C3orf33: variants seen among roughly 807,000 people sequenced by gnomAD.
C3orf33 encodes mitochondrial inner membrane subdomain organizer 1, also known as AP-1 activity suppressor.
In C3orf33, 23 loss-of-function variants were observed where a neutral mutation model predicts 28.7. That is an observed-to-expected ratio of 0.80 (90% CI 0.58 to 1.13). C3orf33 has a LOEUF of 1.13. Among genes scored for constraint, C3orf33 ranks in the 50% most tolerant of loss-of-function variants. The pLI, the probability that C3orf33 is intolerant of heterozygous loss-of-function variation, is 0.00. For synonymous variants in C3orf33, 119 were observed against 120.5 expected (o/e 0.99, Z 0.08); for missense variants, 327 against 353.4 (o/e 0.93, Z 0.60).
intron 2 of C3orf33, among the ~76,000 whole-genome samples, chr3:155,788,433 C>T (rs1751207139): frequency 6.6e-6 from 1 of 151,930 alleles, no homozygotes; most frequent in Non-Finnish European, 1.5e-5. Flanking sequence ...GCCTATAATC[C>T]TAGCACTTTG....
At chr3:155,781,252 C>T (rs913989043) in intron 2 of C3orf33, among the ~76,000 whole-genome samples, 4 of 150,514 alleles carry the variant, frequency 2.7e-5, no homozygotes, top group East Asian at 1.9e-4. Flanking sequence ...ATGATCCACC[C>T]GCCTCGGCCT....
At chr3:155,788,644 C>A (rs1751216392) in intron 2 of C3orf33, among the ~76,000 whole-genome samples, 6 of 150,574 alleles carry the variant, frequency 4.0e-5, no homozygotes, top group Admixed American at 4.0e-4. Context: ...ATCGCAGCCA[C>A]CACACTCCAG....
At chr3:155,777,552 G>A (rs1021622145) in intron 2 of C3orf33, among the ~76,000 whole-genome samples, 4 of 151,442 alleles carry the variant, frequency 2.6e-5, no homozygotes, top group Non-Finnish European at 4.4e-5. Context: ...GTAATCCTCC[G>A]GCCTCAGCCC....
rs1285803604 is a variant in C3orf33 at position 155,806,185 on chromosome 3, A to C, written c.68T>G (p.Val23Gly). ...ADKDGMEPNV[V>G]ARISQWADDH... Reference sequence around the variant, plus strand: ...GTCTGCCCACTGCGAGATCCGAGCCACGACGTTGGGCTCCATTCCGTCCTT... The same window carrying C: ...GTCTGCCCACTGCGAGATCCGAGCCCCGACGTTGGGCTCCATTCCGTCCTT... Residue 23 changes from valine to glycine, a missense_variant, in exon 1 of 5, where the codon GTG becomes GGG. Val to Gly is a moderately radical substitution (Grantham distance 109, BLOSUM62 -3). Transcript: ENST00000340171. 6.7e-7 allele frequency: 1 copy of C among 1,501,462 alleles called. No homozygotes were observed. The highest frequency in any genetic ancestry group is 8.9e-7 in the Non-Finnish European group (1 of 1,126,148). 93.0% of individuals were successfully genotyped at this position (1,501,462 alleles called of 1,614,324 possible).
intron 2 of C3orf33, among the ~76,000 whole-genome samples, chr3:155,783,937 T>G (rs1751021708): frequency 6.6e-6 from 1 of 151,810 alleles, no homozygotes; most frequent in Admixed American, 6.6e-5. Flanking sequence ...GGGTTTTTTT[T>G]TTGTTTTTTT....
intron 3 of C3orf33, among the ~76,000 whole-genome samples, chr3:155,774,387 C>T (rs1022776275): frequency 1.3e-5 from 2 of 152,066 alleles, no homozygotes; most frequent in African/African-American, 4.8e-5. Context: ...ACAGTTGAGC[C>T]AGATTCTGAA....
chr3:155,765,635 C>T (rs1750381129), intron 4 of C3orf33, among the ~76,000 whole-genome samples: 1 of 152,172 alleles, frequency 6.6e-6, no homozygotes, highest in Admixed American at 6.5e-5. Context: ...GTAACCTCCG[C>T]CTCCAGGGTT....
rs372001340 is a variant in C3orf33, at chr3:155,793,838, T to C, written c.174+8694A>G. On this transcript the variant is annotated intron_variant, in intron 2 of 4. Transcript: ENST00000340171. Reference sequence around the variant, plus strand: ...AAAAAAAAAAAAAAACTAAAAAAACTAAAAAAACTAAAACAGCTTTTCTAG... The same window carrying C: ...AAAAAAAAAAAAAAACTAAAAAAACCAAAAAAACTAAAACAGCTTTTCTAG... Among the ~76,000 whole-genome samples the C allele has an allele frequency of 4.2e-3, 464 of 109,670 alleles. 6 individuals carry two copies. The highest frequency in any genetic ancestry group is 0.013 in the African/African-American group (434 of 34,606). The allele number at this position is 109,670 out of a possible 152,430, so 71.9% of individuals were successfully genotyped here. A position where few individuals can be genotyped will look rare whatever the true frequency, so the allele number is the denominator to read the frequency against.
chr3:155,781,415 T>A (rs1296388846), intron 2 of C3orf33, among the ~76,000 whole-genome samples: 1 of 152,184 alleles, frequency 6.6e-6, no homozygotes, highest in African/African-American at 2.4e-5. Flanking sequence ...AATGTTTCAA[T>A]GTTCTCTTCC....
chr3:155,763,969 A>G, intron 4 of C3orf33, 51 bp from the exon 5 acceptor site: 1 of 1,235,916 alleles, frequency 8.1e-7, no homozygotes. Flanking sequence ...TTGTTGTTAT[A>G]CCCATCACAT....
rs1256888901 is a variant in C3orf33 at position 155,763,905 on chromosome 3, C to T, written c.497G>A (p.Ser166Asn). 3 of 1,454,034 alleles carry T rather than the reference C, an allele frequency of 2.1e-6. No individual in the cohort carries two copies. In the African/African-American group the frequency reaches 4.4e-5, roughly 21 times the overall value. The allele number at this position is 1,454,034 out of a possible 1,614,324, so 90.1% of individuals were successfully genotyped here. ...YLLVSKGGYF[S>N]VNLNEEILRR... ...CAAAATTTCTTCATTCAGATTCACG[C>T]TGAAATATCCACCCTTGAATTTAAA... Residue 166 changes from serine to asparagine, a missense_variant, in exon 5 of 5, where the codon AGC (serine) becomes AAC (asparagine). By Grantham distance (46) the Ser-to-Asn change is conservative (BLOSUM62 1). Transcript: ENST00000340171.
chr3:155,789,589 C>CTT (rs1050339036), intron 2 of C3orf33, among the ~76,000 whole-genome samples: 83 of 149,104 alleles, frequency 5.6e-4, no homozygotes, highest in African/African-American at 2.0e-3. Flanking sequence ...ATCCCAATGA[C>CTT]TTTTTTTTTT....
intron 3 of C3orf33, 125 bp downstream of exon 3, chr3:155,775,576 A>G: frequency 1.8e-6 from 1 of 565,792 alleles, no homozygotes; most frequent in Non-Finnish European, 2.8e-6. Flanking sequence ...CCAAGAATTG[A>G]GACTTTCTCA....
intron 2 of C3orf33, among the ~76,000 whole-genome samples, chr3:155,797,767 A>G (rs1004202340): frequency 3.3e-5 from 5 of 152,238 alleles, no homozygotes; most frequent in Non-Finnish European, 5.9e-5. Context: ...AAAGATTTCT[A>G]CATCGAAAAC....
intron 2 of C3orf33, among the ~76,000 whole-genome samples, chr3:155,788,691 A>G (rs1030310473): frequency 1.3e-5 from 2 of 151,146 alleles, no homozygotes; most frequent in Admixed American, 6.6e-5. Flanking sequence ...AAAAAAAAAA[A>G]AGAAAGAAAA....
intron 2 of C3orf33, among the ~76,000 whole-genome samples, chr3:155,800,124 AT>A (rs957777726): frequency 1.3e-5 from 2 of 152,168 alleles, no homozygotes; most frequent in African/African-American, 4.8e-5. Context: ...TGAATACCCT[AT>A]TTACTCTGAT....
At chr3:155,766,847 G>A (rs1319042324) in intron 4 of C3orf33, among the ~76,000 whole-genome samples, 3 of 152,182 alleles carry the variant, frequency 2.0e-5, no homozygotes, top group Non-Finnish European at 2.9e-5. Context: ...CTACTTGGGA[G>A]GCTGAAGCAG....
chr3:155,763,579 A>T lies in C3orf33; in HGVS notation c.823T>A (p.Cys275Ser). The T allele has an allele frequency of 6.4e-7, 1 of 1,573,654 alleles. No homozygotes were observed. The highest frequency in any genetic ancestry group is 8.6e-7 in the Non-Finnish European group (1 of 1,169,448). The change falls in exon 5 of 5, where the codon TGC becomes AGC. Residue 275 changes from cysteine to serine, a missense_variant. Cys to Ser is a moderately radical substitution (Grantham distance 112, BLOSUM62 -1). Transcript: ENST00000340171. Reference sequence around the variant, plus strand: ...TCTCTGAACTTCAGTATTAAGGAGCAGTTGTTCATGTTGTCTTTCCATATT... The same window carrying T: ...TCTCTGAACTTCAGTATTAAGGAGCTGTTGTTCATGTTGTCTTTCCATATT... Reference protein sequence around the residue: ...YEIWKDNMNNCSLILKFRELI... With the variant: ...YEIWKDNMNNSSLILKFRELI...
chr3:155,777,770 A>G (rs1300463751), intron 2 of C3orf33, among the ~76,000 whole-genome samples: 1 of 152,224 alleles, frequency 6.6e-6, no homozygotes, highest in Non-Finnish European at 1.5e-5. Context: ...ACAAGGCAAG[A>G]AACAAATTCA....
Sources: gnomAD v4.1 joint callset for allele counts (sites outside exome capture counted in the v4.1 genomes callset) on GRCh38, gnomAD v4.1.1 for gene constraint, MANE v1.5 for transcripts, NCBI Gene and HGNC (gene_info 2026-07-23, HGNC 2026-07-21) for gene names.